Variants in TENM2 observed in about 807,000 individuals in gnomAD.
TENM2 encodes the protein teneurin transmembrane protein 2.
A neutral mutation model predicts 245.2 loss-of-function variants in TENM2; 52 were observed. The observed-to-expected ratio is 0.21, with a 90% CI of 0.17 to 0.27. The LOEUF is 0.27. Ranked by LOEUF, TENM2 falls within the 10% of genes least tolerant of loss-of-function variation. TENM2 has a pLI of 1.00. For missense variants in TENM2, 3,046 were observed against 3,666.8 expected, an observed-to-expected ratio of 0.83 and a Z score of 4.37; for synonymous variants, 1,363 against 1,438.9, an observed-to-expected ratio of 0.95 and a Z score of 1.19.
chr5:167,587,807 CAG>C (rs1775606479), intron 2 of TENM2, among the ~76,000 whole-genome samples: 1 of 152,172 alleles, frequency 6.6e-6, no homozygotes, highest in Non-Finnish European at 1.5e-5. Context: ...TAGTTTCCCA[CAG>C]TGATGCAGTG....
At chr5:168,176,659 T>C (rs528766266) in intron 13 of TENM2, among the ~76,000 whole-genome samples, 1 of 152,168 alleles carries the variant, frequency 6.6e-6, no homozygotes, top group Non-Finnish European at 1.5e-5. Context: ...TTATTGTCTA[T>C]TTTCCCCCTC....
At chr5:168,019,923 G>A (rs1170855926) in intron 5 of TENM2, among the ~76,000 whole-genome samples, 4 of 152,324 alleles carry the variant, frequency 2.6e-5, no homozygotes, top group African/African-American at 9.6e-5. Flanking sequence ...TCACCTATGT[G>A]ATGACTTAAT....
At chr5:168,129,594 A>G (rs907062450) in intron 12 of TENM2, 1 of 152,230 alleles carries the variant, frequency 6.6e-6, no homozygotes, top group Non-Finnish European at 1.5e-5. Context: ...TTTCTCAAAA[A>G]CAAAGCCAAG....
intron 4 of TENM2, among the ~76,000 whole-genome samples, chr5:167,991,109 G>C (rs1029552735): frequency 1.3e-5 from 2 of 152,228 alleles, no homozygotes; most frequent in Non-Finnish European, 2.9e-5. Context: ...TACCCACCTG[G>C]TGGGATTAAT....
chr5:168,251,198 G>A (rs1767083899), intron 27 of TENM2, among the ~76,000 whole-genome samples: 1 of 152,204 alleles, frequency 6.6e-6, no homozygotes, highest in South Asian at 2.1e-4. Flanking sequence ...CACAGTGTGG[G>A]CTGAACAGAC....
intron 13 of TENM2, among the ~76,000 whole-genome samples, chr5:168,181,842 A>C (rs1759927333): frequency 6.6e-6 from 1 of 151,748 alleles, no homozygotes; most frequent in African/African-American, 2.4e-5. Flanking sequence ...ACACCCAGCT[A>C]ATTTTTGTAT....
intron 2 of TENM2, among the ~76,000 whole-genome samples, chr5:167,648,833 C>G (rs1780147257): frequency 6.6e-6 from 1 of 152,182 alleles, no homozygotes; most frequent in South Asian, 2.1e-4. Flanking sequence ...AGGCTCTGTT[C>G]TCAAAATGCC....
At chr5:167,980,305 CA>C (rs1307482949) in intron 4 of TENM2, among the ~76,000 whole-genome samples, 1 of 152,124 alleles carries the variant, frequency 6.6e-6, no homozygotes, top group Non-Finnish European at 1.5e-5. Flanking sequence ...TAACCTTGGA[CA>C]AGGTAGGATG....
intron 24 of TENM2, among the ~76,000 whole-genome samples, chr5:168,226,841 G>A (rs898227163): frequency 1.3e-5 from 2 of 152,158 alleles, no homozygotes; most frequent in African/African-American, 4.8e-5. Context: ...GGGCTGGCAA[G>A]AAAATGAATT....
At chr5:168,143,912 C>T (rs1021883828) in intron 12 of TENM2, among the ~76,000 whole-genome samples, 7 of 144,434 alleles carry the variant, frequency 4.8e-5, no homozygotes, top group African/African-American at 1.6e-4. Flanking sequence ...AGCAGTGGCG[C>T]GATCTCGGCT....
At chr5:167,063,875 G>C in the TENM2 span, among the ~76,000 whole-genome samples, 1 of 152,128 alleles carries the variant, frequency 6.6e-6, no homozygotes, top group East Asian at 1.9e-4. Context: ...TGAAAGCTTT[G>C]GATAGTTAGG....
chr5:168,021,498 G>C (rs146688082), intron 5 of TENM2, among the ~76,000 whole-genome samples: 1 of 152,266 alleles, frequency 6.6e-6, no homozygotes, highest in African/African-American at 2.4e-5. Flanking sequence ...CTTTCCTTGC[G>C]TGTTTGGAGT....
chr5:167,265,938 C>T, the TENM2 span, among the ~76,000 whole-genome samples: 95 of 151,990 alleles, frequency 6.3e-4, no homozygotes, highest in South Asian at 1.9e-3. Context: ...CAAGTGGTCT[C>T]GCTCATGAAA....
intron 2 of TENM2, among the ~76,000 whole-genome samples, chr5:167,855,059 C>T (rs1770939205): frequency 2.6e-5 from 4 of 152,218 alleles, no homozygotes; most frequent in Admixed American, 2.6e-4. Context: ...CTTTCCGTCT[C>T]ACCCAGAGTA....
At chr5:167,556,423 TATATATATATATATATGTATCTGTC>T (rs879355623) in intron 2 of TENM2, among the ~76,000 whole-genome samples, 10 of 148,994 alleles carry the variant, frequency 6.7e-5, no homozygotes, top group Admixed American at 6.0e-4. Context: ...TATACTTACA[TATATATATATATATATGTATCTGTC>T]ACATCAAAAT....
At chr5:167,445,336 T>TATATATAGAG (rs368881390) in intron 2 of TENM2, among the ~76,000 whole-genome samples, 32 of 77,294 alleles carry the variant, frequency 4.1e-4, no homozygotes, top group African/African-American at 1.4e-3. Flanking sequence ...TATATATATA[T>TATATATAGAG]AGAGAGAGAG....
the TENM2 span, among the ~76,000 whole-genome samples, chr5:167,170,410 T>A: frequency 0.026 from 3,977 of 152,242 alleles, 192 homozygotes; most frequent in African/African-American, 0.089. Flanking sequence ...GAAGACAAAA[T>A]AAACGTTGTT....
intron 2 of TENM2, among the ~76,000 whole-genome samples, chr5:167,790,246 G>C (rs1764856245): frequency 6.6e-6 from 1 of 152,104 alleles, no homozygotes. Flanking sequence ...GTTTAAAGCA[G>C]GGCACAAAAG....
chr5:167,447,761 A>C (rs538248967), intron 2 of TENM2, among the ~76,000 whole-genome samples: 1 of 152,358 alleles, frequency 6.6e-6, no homozygotes, highest in East Asian at 1.9e-4. Flanking sequence ...CAGTTAATGT[A>C]GAATACCAGA....
Sources: gnomAD v4.1 joint callset for allele counts (sites outside exome capture counted in the v4.1 genomes callset) on GRCh38, gnomAD v4.1.1 for gene constraint, MANE v1.5 for transcripts, NCBI Gene and HGNC (gene_info 2026-07-23, HGNC 2026-07-21) for gene names.